GPR89B: variants seen among roughly 807,000 people sequenced by gnomAD.
The protein encoded by GPR89B is G protein-coupled receptor 89B.
In GPR89B, 25 loss-of-function variants were observed where a neutral mutation model predicts 52.4. The observed-to-expected ratio is 0.48, with a 90% CI of 0.35 to 0.67. The LOEUF is 0.67. Among genes scored for constraint, GPR89B ranks in the 30% least tolerant of loss-of-function variants. GPR89B has a pLI of 0.01. For synonymous variants in GPR89B, 52 were observed against 151.2 expected (o/e 0.34, Z 4.81); for missense variants, 146 against 450.2 (o/e 0.32, Z 6.11).
the GPR89B span, among the ~76,000 whole-genome samples, chr1:148,019,471 A>G: frequency 6.6e-6 from 1 of 152,034 alleles, no homozygotes; most frequent in Non-Finnish European, 1.5e-5. Flanking sequence ...TAGCTAATGG[A>G]TGCTGGGCTT....
At chr1:147,954,588 C>T (rs1265002573) in intron 7 of GPR89B, among the ~76,000 whole-genome samples, 186 bp downstream of exon 7, 10 of 151,370 alleles carry the variant, frequency 6.6e-5, no homozygotes, top group African/African-American at 1.9e-4. Flanking sequence ...GAGGCCACGA[C>T]GGGGGGATCA....
the GPR89B span, among the ~76,000 whole-genome samples, chr1:148,015,913 G>C: frequency 1.1e-4 from 17 of 151,918 alleles, no homozygotes; most frequent in Admixed American, 3.9e-4. Flanking sequence ...TGTTACTTTA[G>C]TAATTCCCTT....
intron 10 of GPR89B, among the ~76,000 whole-genome samples, chr1:147,971,875 T>C (rs1424350677): frequency 4.0e-5 from 6 of 151,524 alleles, no homozygotes; most frequent in Non-Finnish European, 7.4e-5. Context: ...CATACATATA[T>C]ACCTATGCAA....
chr1:147,992,441 A>G, intron 12 of GPR89B, 61 bp from the exon 13 acceptor site: 1 of 1,561,728 alleles, frequency 6.4e-7, no homozygotes, highest in Non-Finnish European at 8.8e-7. Flanking sequence ...CATATTTCTT[A>G]CTGTTCGTGA....
chr1:148,000,134 C>T, the GPR89B span, among the ~76,000 whole-genome samples: 281 of 151,994 alleles, frequency 1.8e-3, 5 homozygotes, highest in East Asian at 0.034. Flanking sequence ...TAGTATAGTA[C>T]ATCTGAAATT....
the GPR89B span, among the ~76,000 whole-genome samples, chr1:148,019,604 G>A: frequency 1.3e-5 from 2 of 151,972 alleles, no homozygotes; most frequent in Non-Finnish European, 2.9e-5. Flanking sequence ...AATAAAAAAT[G>A]TAAAAAGGAA....
At chr1:148,016,950 G>A in the GPR89B span, among the ~76,000 whole-genome samples, 2 of 151,848 alleles carry the variant, frequency 1.3e-5, no homozygotes, top group African/African-American at 4.9e-5. Context: ...CTAATCTGCT[G>A]TTAATCCCAT....
intron 10 of GPR89B, among the ~76,000 whole-genome samples, chr1:147,973,321 T>C (rs1277426782): frequency 6.6e-6 from 1 of 152,164 alleles, no homozygotes; most frequent in Non-Finnish European, 1.5e-5. Context: ...CACCAGCATC[T>C]GTTGTTTCTT....
the GPR89B span, among the ~76,000 whole-genome samples, chr1:148,017,193 C>G: frequency 6.6e-6 from 1 of 151,498 alleles, no homozygotes. Context: ...AGGTGCGTGC[C>G]AGGACACCCA....
chr1:147,928,594 C>T lies in GPR89B; in HGVS notation c.42+16C>T. On this transcript the variant is annotated intron_variant, in intron 1 of 13. Coordinates refer to ENST00000314163, the MANE Select transcript of GPR89B (RefSeq NM_016334.5). The stretch of plus-strand genomic sequence containing the variant: ...TACCTCCCAGGTGAGTCACCGCCTC[C>T]CGCCCCGACACCCGTCCGCCTCCCT... 9.3e-6 allele frequency: 15 copies of T among 1,613,820 alleles called. No individual in the cohort carries two copies. Among genetic ancestry groups the T allele is most frequent in the Non-Finnish European group, 1.3e-5 (15 of 1,179,714 alleles).
At chr1:147,937,242 G>A (rs1185688324) in intron 2 of GPR89B, among the ~76,000 whole-genome samples, 16 of 151,848 alleles carry the variant, frequency 1.1e-4, no homozygotes, top group African/African-American at 2.9e-4. Context: ...AAACCAGCAA[G>A]TTTTTATTAG....
At position 147,935,989 on chromosome 1, in the gene GPR89B, C is replaced by G. The variant is rs1654050126; in HGVS notation, c.43-638C>G. 2.0e-5 allele frequency among the ~76,000 whole-genome samples: 3 copies of G among 152,096 alleles called. No individual in the cohort carries two copies. The South Asian group carries it at 6.2e-4, about 32-fold the overall frequency. ...TTTTTAAATACTTGCAATCAGGGAT[C>G]ATCCATAAGAAGCAAGTCTCACTCT... On this transcript the variant is annotated intron_variant, in intron 1 of 13. Transcript: ENST00000314163.
intron 2 of GPR89B, among the ~76,000 whole-genome samples, chr1:147,937,148 A>G (rs1189831657): frequency 4.0e-5 from 6 of 151,712 alleles, no homozygotes; most frequent in Admixed American, 3.9e-4. Context: ...AAAGAGAAAG[A>G]GTACAAAGAG....
At chr1:147,960,727 CT>C (rs1656471440) in intron 7 of GPR89B, among the ~76,000 whole-genome samples, 1 of 145,224 alleles carries the variant, frequency 6.9e-6, no homozygotes, top group African/African-American at 2.6e-5. Context: ...TTTCACGTGC[CT>C]GTAGTGCCAG....
intron 5 of GPR89B, among the ~76,000 whole-genome samples, chr1:147,949,293 G>C (rs1655302001): frequency 6.6e-6 from 1 of 151,124 alleles, no homozygotes; most frequent in African/African-American, 2.5e-5. Context: ...CCCAGACAGG[G>C]TGGTGGCTGG....
intron 3 of GPR89B, 60 bp from the exon 4 acceptor site, chr1:147,943,378 A>C: frequency 6.3e-7 from 1 of 1,598,446 alleles, no homozygotes; most frequent in Non-Finnish European, 8.5e-7. Flanking sequence ...GGAAGACTAA[A>C]GAGAAAGAAA....
At chr1:148,008,592 G>C in the GPR89B span, among the ~76,000 whole-genome samples, 4 of 152,158 alleles carry the variant, frequency 2.6e-5, no homozygotes, top group African/African-American at 9.7e-5. Context: ...AGAAGGAATC[G>C]ACCAGCTAAC....
intron 10 of GPR89B, among the ~76,000 whole-genome samples, 164 bp from the exon 11 acceptor site, chr1:147,986,035 G>A (rs878858213): frequency 2.6e-5 from 4 of 152,130 alleles, no homozygotes; most frequent in East Asian, 1.9e-4. Flanking sequence ...ATGAGTATCC[G>A]AAATAGATTT....
intron 5 of GPR89B, among the ~76,000 whole-genome samples, chr1:147,950,344 G>C (rs1442943781): frequency 4.0e-5 from 6 of 151,550 alleles, no homozygotes; most frequent in Non-Finnish European, 7.4e-5. Flanking sequence ...TGGGCGGCCG[G>C]GCAGAGACGC....
Sources: allele counts gnomAD v4.1 joint callset (sites outside exome capture counted in the v4.1 genomes callset), GRCh38; gene constraint gnomAD v4.1.1; transcripts MANE v1.5; gene names NCBI Gene and HGNC (gene_info 2026-07-23, HGNC 2026-07-21).